Variants in SMARCA2 observed in about 807,000 individuals in gnomAD.
SMARCA2 encodes SWI/SNF related BAF chromatin remodeling complex subunit ATPase 2.
A neutral mutation model predicts 199.8 loss-of-function variants in SMARCA2; 61 were observed. That is an observed-to-expected ratio of 0.31 (90% CI 0.25 to 0.38). SMARCA2 has a LOEUF of 0.38. SMARCA2 is among the 10% of genes least tolerant of loss of function. The pLI is 1.00. For missense variants in SMARCA2, 1,344 were observed against 2,012.2 expected (o/e 0.67, Z 6.35); for synonymous variants, 935 against 732.0 (o/e 1.28, Z -4.48).
At chr9:2,097,856 AAAT>A (rs2130530513) in intron 21 of SMARCA2, among the ~76,000 whole-genome samples, 1 of 152,360 alleles carries the variant, frequency 6.6e-6, no homozygotes, top group African/African-American at 2.4e-5. Flanking sequence ...AAAAATATTA[AAAT>A]AATGTATTTA....
rs1563765641 is a variant in SMARCA2, at chr9:2,096,638, AC to A, written c.2884-18del. 1 of 1,547,868 alleles carries A rather than the reference AC, an allele frequency of 6.5e-7. No individual in the cohort carries two copies. Among genetic ancestry groups the A allele is most frequent in the Non-Finnish European group, 8.9e-7 (1 of 1,119,782 alleles). ...TTCTCCTTCCTGCTCTTGCCTACTT[AC>A]TGTTCTCTTTTCTGCAGGTGGAATA... On this transcript the variant is annotated intron_variant, in intron 19 of 33. Coordinates refer to ENST00000349721, the MANE Select transcript of SMARCA2 (RefSeq NM_003070.5).
At chr9:2,077,592 A>C in intron 13 of SMARCA2, 37 bp from the exon 14 acceptor site, 1 of 1,599,960 alleles carries the variant, frequency 6.3e-7, no homozygotes, top group Admixed American at 1.7e-5. Context: ...ATGCACGCAC[A>C]TGTCTGTGTG....
intron 27 of SMARCA2, chr9:2,160,714 TAAC>T (rs1825623159): frequency 1.8e-5 from 11 of 599,450 alleles, no homozygotes; most frequent in East Asian, 2.8e-5. Flanking sequence ...GAGGAACAAA[TAAC>T]AACATTAGTT....
chr9:2,084,338 A>G lies in SMARCA2; in HGVS notation c.2526+142A>G. On this transcript the variant is annotated intron_variant, in intron 17 of 33. Transcript: ENST00000349721. ...TTCTAAAATTTTTTCAGAGTTTGAT[A>G]TGTTTTGGTCGTGGATTTGATTTCA... 1.1e-5 allele frequency: 6 copies of G among 570,172 alleles called. No individual in the cohort carries two copies. The South Asian group carries it at 1.1e-4, about 10-fold the overall frequency. The allele number at this position is 570,172 out of a possible 1,614,324, so 35.3% of individuals were successfully genotyped here.
chr9:2,059,092 T>C (rs1820475931), intron 8 of SMARCA2, among the ~76,000 whole-genome samples: 1 of 152,244 alleles, frequency 6.6e-6, no homozygotes, highest in African/African-American at 2.4e-5. Context: ...GTTTATATCA[T>C]TGGCCTGAGT....
At chr9:2,175,872 T>A (rs965954828) in intron 29 of SMARCA2, among the ~76,000 whole-genome samples, 5 of 150,248 alleles carry the variant, frequency 3.3e-5, no homozygotes, top group Non-Finnish European at 5.9e-5. Context: ...TTTTTGGGTT[T>A]TTTTTGTTTG....
intron 27 of SMARCA2, among the ~76,000 whole-genome samples, chr9:2,141,081 T>TTGTCAA (rs900114356): frequency 2.0e-5 from 3 of 152,166 alleles, no homozygotes; most frequent in Non-Finnish European, 4.4e-5. Flanking sequence ...TGCCACCAAG[T>TTGTCAA]TGGCAAGTGT....
chr9:2,107,952 A>C (rs1178871615), intron 23 of SMARCA2, among the ~76,000 whole-genome samples: 1 of 152,182 alleles, frequency 6.6e-6, no homozygotes, highest in Non-Finnish European at 1.5e-5. Flanking sequence ...GATAAGGTTT[A>C]GGGATATTTA....
chr9:2,042,996 T>C (rs1819678155), intron 4 of SMARCA2: 1 of 152,230 alleles, frequency 6.6e-6, no homozygotes, highest in African/African-American at 2.4e-5. Flanking sequence ...AATAATTTTT[T>C]TTTTAGATTG....
At chr9:2,164,996 C>G (rs907823664) in intron 28 of SMARCA2, among the ~76,000 whole-genome samples, 1 of 152,148 alleles carries the variant, frequency 6.6e-6, no homozygotes, top group Non-Finnish European at 1.5e-5. Flanking sequence ...AGGAGGCACT[C>G]AAATTAGGAG....
At position 2,110,094 on chromosome 9, in the gene SMARCA2, TC is replaced by T. The variant is rs1822931456; in HGVS notation, c.3293-159del. The stretch of plus-strand genomic sequence containing the variant: ...CTTTTTTTTTGTAATTGCAAAATGT[TC>T]AAAGTTTTTTATCCAGAAGTACAAA... On this transcript the variant is annotated intron_variant, in intron 23 of 33. Transcript: ENST00000349721. This position sits in a 1 kb window ranked among gnomAD's most constrained non-coding sequence, Gnocchi z 4.8. 6.6e-6 allele frequency among the ~76,000 whole-genome samples: 1 copy of T among 152,224 alleles called. No homozygotes were observed. The highest frequency in any genetic ancestry group is 2.4e-5 in the African/African-American group (1 of 41,452).
intron 17 of SMARCA2, among the ~76,000 whole-genome samples, chr9:2,084,566 C>T (rs1821717775): frequency 6.6e-6 from 1 of 152,046 alleles, no homozygotes; most frequent in African/African-American, 2.4e-5. Flanking sequence ...GTTTTTGTTG[C>T]CCTGAGATAT....
chr9:2,089,398 T>G (rs1381044483), intron 19 of SMARCA2, among the ~76,000 whole-genome samples: 1 of 152,106 alleles, frequency 6.6e-6, no homozygotes, highest in Non-Finnish European at 1.5e-5. Flanking sequence ...TGATTTGAGT[T>G]TTTTCTTTAG....
chr9:2,095,159 C>T (rs1822218852), intron 19 of SMARCA2, among the ~76,000 whole-genome samples: 1 of 150,998 alleles, frequency 6.6e-6, no homozygotes, highest in Non-Finnish European at 1.5e-5. Context: ...GATCTCAGCT[C>T]ACTGCAACCT....
chr9:2,105,889 C>T (rs763156897), intron 23 of SMARCA2, among the ~76,000 whole-genome samples: 1 of 152,178 alleles, frequency 6.6e-6, no homozygotes, highest in Non-Finnish European at 1.5e-5. Flanking sequence ...AGGTCTCTGA[C>T]GACTGCTTCT....
chr9:2,112,051 A>C (rs1288273942), intron 24 of SMARCA2, among the ~76,000 whole-genome samples: 1 of 152,222 alleles, frequency 6.6e-6, no homozygotes, highest in African/African-American at 2.4e-5. Flanking sequence ...TTTCATTCCA[A>C]GGCTCAGGTA....
At chr9:2,140,965 G>A (rs889368863) in intron 27 of SMARCA2, among the ~76,000 whole-genome samples, 1 of 151,928 alleles carries the variant, frequency 6.6e-6, no homozygotes, top group Non-Finnish European at 1.5e-5. Context: ...TCACACTGGC[G>A]CAGTGATTTT....
At chr9:2,116,769 C>T (rs921796307) in intron 25 of SMARCA2, among the ~76,000 whole-genome samples, 3 of 152,062 alleles carry the variant, frequency 2.0e-5, no homozygotes, top group Admixed American at 6.5e-5. Context: ...GATTTTTAAA[C>T]GTATGTATAT....
chr9:2,117,555 G>C (rs1823267082), intron 25 of SMARCA2, among the ~76,000 whole-genome samples: 1 of 152,206 alleles, frequency 6.6e-6, no homozygotes, highest in Non-Finnish European at 1.5e-5. Context: ...TGACAAAGCA[G>C]ATATGAGCAG....
Sources: gnomAD v4.1 joint callset for allele counts (sites outside exome capture counted in the v4.1 genomes callset) on GRCh38, gnomAD v4.1.1 for gene constraint, Gnocchi (gnomAD v3.1) non-coding constraint, MANE v1.5 for transcripts, NCBI Gene and HGNC (gene_info 2026-07-23, HGNC 2026-07-21) for gene names.